The following ITFG1 variants were observed in gnomAD, a reference collection of about 807,000 sequenced individuals.
ITFG1 encodes the protein integrin alpha FG-GAP repeat containing 1.
Under a neutral mutation model 81.8 loss-of-function variants are expected in ITFG1, and 34 were observed. The observed-to-expected ratio is 0.42, with a 90% CI of 0.32 to 0.55. ITFG1 has a LOEUF of 0.55. Among genes scored for constraint, ITFG1 ranks in the 20% least tolerant of loss-of-function variants. The pLI, the probability that ITFG1 is intolerant of heterozygous loss-of-function variation, is 0.17. For synonymous variants in ITFG1, 285 were observed against 270.6 expected (o/e 1.05, Z -0.52); for missense variants, 672 against 755.4 (o/e 0.89, Z 1.29).
At chr16:47,243,813 G>C (rs556835118) in intron 12 of ITFG1, among the ~76,000 whole-genome samples, 10 of 152,288 alleles carry the variant, frequency 6.6e-5, no homozygotes, top group African/African-American at 2.4e-4. Context: ...GGCCAAGGTG[G>C]GTGGATTAGG....
intron 6 of ITFG1, among the ~76,000 whole-genome samples, chr16:47,416,509 T>C (rs981893999): frequency 1.3e-5 from 2 of 152,212 alleles, no homozygotes; most frequent in African/African-American, 4.8e-5. Context: ...CCTCCAAATC[T>C]CATGTTAAAA....
intron 8 of ITFG1, among the ~76,000 whole-genome samples, chr16:47,349,588 T>C (rs979811944): frequency 2.0e-5 from 3 of 152,160 alleles, no homozygotes; most frequent in African/African-American, 4.8e-5. Context: ...CACAGAGACT[T>C]AGACTCCCAC....
intron 1 of ITFG1, among the ~76,000 whole-genome samples, chr16:47,459,444 G>C (rs1218348790): frequency 6.6e-6 from 1 of 152,182 alleles, no homozygotes; most frequent in African/African-American, 2.4e-5. Context: ...TGGATTCTGC[G>C]AGGAGTCAGA....
rs113155280 is a variant in ITFG1 at position 47,345,291 on chromosome 16, C to CT, written c.802+20496dup. 1.4e-3 allele frequency among the ~76,000 whole-genome samples: 197 copies of CT among 145,248 alleles called. 1 individual carries two copies. Among genetic ancestry groups the CT allele is most frequent in the East Asian group, 0.011 (54 of 5,020 alleles). On this transcript the variant is annotated intron_variant, in intron 8 of 17. Coordinates refer to ENST00000320640, the MANE Select transcript of ITFG1 (RefSeq NM_030790.5). The stretch of plus-strand genomic sequence containing the variant: ...AAAGAAAAAAAATTGCAAAAAAACT[C>CT]TTTTTTTTTTTGTTTGTTTGTTTTT...
At chr16:47,293,106 G>GAT (rs1966930201) in intron 10 of ITFG1, among the ~76,000 whole-genome samples, 3 of 139,268 alleles carry the variant, frequency 2.2e-5, no homozygotes, top group Middle Eastern at 3.9e-3. Context: ...ATATACATAT[G>GAT]ATATATATCA....
At chr16:47,182,923 G>A (rs146005194) in intron 14 of ITFG1, among the ~76,000 whole-genome samples, 56 of 152,312 alleles carry the variant, frequency 3.7e-4, no homozygotes, top group African/African-American at 1.3e-3. Context: ...CACCGTGCGC[G>A]AGCGGAAGCA....
At chr16:47,181,594 G>A (rs1356471240) in intron 14 of ITFG1, among the ~76,000 whole-genome samples, 2 of 148,940 alleles carry the variant, frequency 1.3e-5, no homozygotes, top group African/African-American at 2.5e-5. Flanking sequence ...GCCCCGTCCA[G>A]GAGGGAGGTG....
intron 8 of ITFG1, among the ~76,000 whole-genome samples, chr16:47,361,302 G>A (rs564123935): frequency 6.6e-6 from 1 of 152,078 alleles, no homozygotes; most frequent in Non-Finnish European, 1.5e-5. Context: ...TTCTGTATAA[G>A]GTTTCTGTTT....
chr16:47,259,951 T>G (rs1966187670), intron 11 of ITFG1, among the ~76,000 whole-genome samples: 1 of 151,556 alleles, frequency 6.6e-6, no homozygotes, highest in South Asian at 2.1e-4. Context: ...TTTTTTTTTT[T>G]TTTTTGAGAC....
chr16:47,338,898 T>C (rs1596908833), intron 8 of ITFG1, among the ~76,000 whole-genome samples: 1 of 152,206 alleles, frequency 6.6e-6, no homozygotes, highest in Non-Finnish European at 1.5e-5. Flanking sequence ...AAATACTAGG[T>C]CTTATTCATT....
intron 10 of ITFG1, chr16:47,263,311 TA>T: frequency 2.2e-6 from 1 of 464,450 alleles, no homozygotes; most frequent in Non-Finnish European, 4.4e-6. Flanking sequence ...GCTATTCCTA[TA>T]ACCTGGAAAT....
At chr16:47,205,846 A>ATCTATCTC (rs1448533140) in intron 14 of ITFG1, among the ~76,000 whole-genome samples, 12 of 125,912 alleles carry the variant, frequency 9.5e-5, no homozygotes, top group African/African-American at 1.8e-4. Context: ...CTATCTATCT[A>ATCTATCTC]TCTATCTATC....
At chr16:47,163,946 CACACACAT>C (rs1203902024) in intron 14 of ITFG1, among the ~76,000 whole-genome samples, 216 of 149,042 alleles carry the variant, frequency 1.4e-3, no homozygotes, top group African/African-American at 5.1e-3. Flanking sequence ...CACACACACA[CACACACAT>C]ACACACACAC....
At chr16:47,249,952 T>C (rs1484969272) in intron 12 of ITFG1, among the ~76,000 whole-genome samples, 1 of 152,216 alleles carries the variant, frequency 6.6e-6, no homozygotes, top group Admixed American at 6.5e-5. Context: ...TAAAGGTCAA[T>C]ACTGTATAAT....
chr16:47,370,514 G>A (rs1968238805), intron 7 of ITFG1, among the ~76,000 whole-genome samples: 1 of 152,194 alleles, frequency 6.6e-6, no homozygotes, highest in Non-Finnish European at 1.5e-5. Flanking sequence ...ATCTCTGGTT[G>A]TCCACTGTAA....
intron 7 of ITFG1, among the ~76,000 whole-genome samples, chr16:47,370,958 A>T (rs1968246024): frequency 6.6e-6 from 1 of 152,202 alleles, no homozygotes. Flanking sequence ...AGTGCTATGG[A>T]ACACTAGAAA....
At chr16:47,348,249 GAT>G (rs1435162757) in intron 8 of ITFG1, among the ~76,000 whole-genome samples, 1 of 152,118 alleles carries the variant, frequency 6.6e-6, no homozygotes, top group Non-Finnish European at 1.5e-5. Context: ...GGATTCAGAT[GAT>G]CAAACTTCTC....
intron 14 of ITFG1, among the ~76,000 whole-genome samples, chr16:47,179,323 A>G (rs942202720): frequency 2.0e-5 from 3 of 152,248 alleles, no homozygotes; most frequent in African/African-American, 7.2e-5. Context: ...ACTTGGAACC[A>G]ACCCAAATGT....
chr16:47,223,393 AAAAC>A (rs1369553277), intron 13 of ITFG1, among the ~76,000 whole-genome samples: 5 of 152,266 alleles, frequency 3.3e-5, no homozygotes, highest in East Asian at 1.9e-4. Context: ...TTACAAGAAA[AAAAC>A]AAACAACCCC....
Sources: gnomAD v4.1 joint callset for allele counts (sites outside exome capture counted in the v4.1 genomes callset) on GRCh38, gnomAD v4.1.1 for gene constraint, MANE v1.5 for transcripts, NCBI Gene and HGNC (gene_info 2026-07-23, HGNC 2026-07-21) for gene names.